The following TNK2 variants were observed in gnomAD, a reference collection of about 807,000 sequenced individuals.
The protein encoded by TNK2 is tyrosine kinase non receptor 2.
TNK2 carries 83 observed loss-of-function variants against 101.8 expected under a neutral mutation model. That is an observed-to-expected ratio of 0.82 (90% CI 0.68 to 0.98). TNK2 has a LOEUF of 0.98. TNK2 is among the 50% of genes least tolerant of loss of function. The pLI is 0.00. For synonymous variants in TNK2, 804 were observed against 633.0 expected (o/e 1.27, Z -4.06); for missense variants, 1,665 against 1,483.2 (o/e 1.12, Z -2.01).
chr3:195,902,250 G>A (rs889223105), intron 1 of TNK2, among the ~76,000 whole-genome samples: 11 of 152,152 alleles, frequency 7.2e-5, no homozygotes, highest in Admixed American at 2.6e-4. Context: ...TGGCAGCCCC[G>A]GAAACCTCTG....
Position 195,868,261 on chromosome 3 carries a change from G to A in TNK2, c.2037C>T (p.Ser679=). The A allele has an allele frequency of 6.2e-7, 1 of 1,604,444 alleles. No individual in the cohort carries two copies. The highest frequency in any genetic ancestry group is 1.1e-5 in the South Asian group (1 of 91,054). ...CAAAGGCGTAGTTGGTCTGGCCCTG[G>A]CTGGGCCCGGCAGGGACCCCCGCGC... ...LVGAGVPAGP[S]QGQTNYAFVP... is the part of the protein sequence containing the mutation. Residue 679 remains serine (S), a synonymous_variant, in exon 13 of 16, where the codon AGC becomes AGT. Transcript: ENST00000672887.
chr3:195,867,981 G>C lies in TNK2; in HGVS notation c.2317C>G (p.Pro773Ala). 2 of 1,551,434 alleles carry C rather than the reference G, an allele frequency of 1.3e-6. No individual in the cohort carries two copies. Among genetic ancestry groups the C allele is most frequent in the African/African-American group, 1.4e-5 (1 of 73,120 alleles). ...RPTRPHVQLS[P>A]APPGEEETSQ... ...GTCTCCTCCTCGCCCGGGGGGGCTG[G>C]AGACAGCTGGACGTGTGGGCGCGTG... Residue 773 changes from proline (P) to alanine (A), a missense_variant, in exon 13 of 16, where the codon CCA (proline) becomes GCA (alanine). Physicochemically the swap from Pro to Ala is conservative, Grantham distance 27. Coordinates refer to ENST00000672887, the MANE Select transcript of TNK2 (RefSeq NM_001382273.1).
chr3:195,872,421 C>T lies in TNK2; in HGVS notation c.1306G>A (p.Gly436Arg). 1 of 1,612,290 alleles carries T rather than the reference C, an allele frequency of 6.2e-7. No individual in the cohort carries two copies. The highest frequency in any genetic ancestry group is 1.3e-5 in the African/African-American group (1 of 75,046). Residue 436 changes from glycine (G) to arginine (R), a missense_variant, in exon 10 of 16, where the codon GGG becomes AGG. This residue lies in a region of TNK2 where 1,136 missense variants were observed against 894.9 expected (regional missense o/e 1.27). Transcript: ENST00000672887. ...RGQNTRTLCVGPFPRNVVTSV... is the reference protein window; with the variant it reads ...RGQNTRTLCVRPFPRNVVTSV... ...GTCACCACGTTGCGAGGGAAGGGCC[C>T]CACACACAGCGTCCGTGTGTTCTGG...
chr3:195,872,167 G>A, intron 10 of TNK2, 109 bp downstream of exon 10: 4 of 1,299,076 alleles, frequency 3.1e-6, no homozygotes, highest in Non-Finnish European at 3.2e-6. Flanking sequence ...GTCGGGGGCT[G>A]AAGCCCGGGC....
intron 11 of TNK2, 97 bp downstream of exon 11, chr3:195,870,016 CA>C: frequency 3.9e-6 from 4 of 1,022,268 alleles, no homozygotes; most frequent in South Asian, 3.7e-5. Context: ...CCACTGTCCC[CA>C]AAAACAGAAC....
chr3:195,869,051 G>A (rs1374130749), intron 12 of TNK2: 8 of 468,058 alleles, frequency 1.7e-5, no homozygotes, highest in Admixed American at 3.9e-5. Context: ...GAGTTAGTGA[G>A]CCCTCATCCC....
At chr3:195,872,227 G>A (rs1228837694) in intron 10 of TNK2, 49 bp downstream of exon 10, 54 of 1,603,618 alleles carry the variant, frequency 3.4e-5, no homozygotes, top group Non-Finnish European at 4.6e-5. Context: ...TGAGGGCCCT[G>A]GAGTCCCGAG....
Position 195,878,958 on chromosome 3 carries a change from T to C in TNK2, c.1014+91A>G. ...CGGGGCGTGGGAGGAGGGAGTCCAT[T>C]GGTGAGAGGCAGTTCCAGCAGGGCC... On this transcript the variant is annotated intron_variant, in intron 7 of 15. Coordinates refer to ENST00000672887, the MANE Select transcript of TNK2 (RefSeq NM_001382273.1). The surrounding 1 kb of genome is among the most constrained non-coding windows in gnomAD (Gnocchi z 4.7). The C allele has an allele frequency of 1.9e-6, 3 of 1,560,676 alleles. No homozygotes were observed. The highest frequency in any genetic ancestry group is 4.5e-5 in the East Asian group (2 of 44,340).
At position 195,870,190 on chromosome 3, in the gene TNK2, G is replaced by A; in HGVS notation, c.1467C>T (p.Asn489=). 1 of 1,569,468 alleles carries A rather than the reference G, an allele frequency of 6.4e-7. No homozygotes were observed. The highest frequency in any genetic ancestry group is 1.2e-5 in the South Asian group (1 of 85,516). ...PDRIDELYLG[N]PMDPPDLLSV... is the part of the protein sequence containing the mutation. ...TCAGGAGGTCGGGGGGGTCCATGGG[G>A]TTTCCCAGATACAGTCTGTGGGGGA... Residue 489 remains asparagine, a synonymous_variant, in exon 11 of 16, where the codon AAC becomes AAT. Coordinates refer to ENST00000672887, the MANE Select transcript of TNK2 (RefSeq NM_001382273.1).
Position 195,877,724 on chromosome 3 carries a change from G to A in TNK2, c.1256+529C>T, listed in dbSNP as rs113375305. On this transcript the variant is annotated intron_variant, in intron 9 of 15. Transcript: ENST00000672887. ...GACTCCCGAGAGGCTGTGGGAGGAG[G>A]GTTAGGTATAGAGAGGGTCCTCCCA... Among the ~76,000 whole-genome samples, 422 of 152,274 alleles carry A rather than the reference G, an allele frequency of 2.8e-3. 3 individuals carry two copies. The highest frequency in any genetic ancestry group is 7.5e-3 in the African/African-American group (313 of 41,540).
intron 1 of TNK2, among the ~76,000 whole-genome samples, chr3:195,900,978 A>G (rs977943579): frequency 7.2e-5 from 11 of 152,208 alleles, no homozygotes; most frequent in African/African-American, 2.7e-4. Flanking sequence ...GAAGGAGTGG[A>G]GAGGAGATGC....
rs572421420 is a variant in TNK2 at position 195,878,106 on chromosome 3, C to T, written c.1256+147G>A. On this transcript the variant is annotated intron_variant, in intron 9 of 15. Transcript: ENST00000672887. This position sits in a 1 kb window ranked among gnomAD's most constrained non-coding sequence, Gnocchi z 4.7. ...CTAGGAAGACGGAGGCAGGCCTGTC[C>T]TCCCCTCACACTGCAGGGTTCAGGC... 9.0e-5 allele frequency: 69 copies of T among 767,646 alleles called. 1 individual carries two copies. The African/African-American group carries it at 9.8e-4, about 11-fold the overall frequency. The allele number at this position is 767,646 out of a possible 1,614,324, so 47.6% of individuals were successfully genotyped here.
At chr3:195,865,881 C>T (rs1560463169) in intron 15 of TNK2, among the ~76,000 whole-genome samples, 2 of 152,178 alleles carry the variant, frequency 1.3e-5, no homozygotes, top group Admixed American at 6.5e-5. Flanking sequence ...GTCCCTTCCA[C>T]GGGGTGAGCA....
At chr3:195,865,193 G>A (rs1302634758) in intron 15 of TNK2, among the ~76,000 whole-genome samples, 9 of 110,072 alleles carry the variant, frequency 8.2e-5, no homozygotes, top group South Asian at 7.6e-4. Context: ...GTGACAGACA[G>A]GTGACAGCGA....
chr3:195,890,692 G>T (rs1055058288), intron 1 of TNK2, among the ~76,000 whole-genome samples: 1 of 152,096 alleles, frequency 6.6e-6, no homozygotes, highest in Non-Finnish European at 1.5e-5. Context: ...ACCTGCCCTG[G>T]CCTCCCAAAG....
At position 195,879,091 on chromosome 3, in the gene TNK2, G is replaced by A. The variant is rs1411542129; in HGVS notation, c.972C>T (p.Phe324=). The change falls in exon 7 of 16, where the codon TTC becomes TTT. Residue 324 remains phenylalanine, a synonymous_variant. Transcript: ENST00000672887. The part of the protein sequence containing the change: ...WMFGVTLWEM[F]TYGQEPWIGL... ...CGATCCAGGGCTCCTGGCCGTAGGT[G>A]AACATTTCCCACAGTGTCACCCCGA... The A allele has an allele frequency of 2.5e-6, 4 of 1,613,716 alleles. No individual in the cohort carries two copies. The highest frequency in any genetic ancestry group is 1.7e-5 in the Admixed American group (1 of 59,990).
intron 15 of TNK2, 52 bp from the exon 16 acceptor site, chr3:195,864,239 C>A: frequency 6.2e-7 from 1 of 1,612,076 alleles, no homozygotes; most frequent in Non-Finnish European, 8.5e-7. Flanking sequence ...GAAGGTTCAG[C>A]GGGGCAGGCA....
chr3:195,881,920 G>T, intron 6 of TNK2, 131 bp downstream of exon 6: 2 of 1,099,554 alleles, frequency 1.8e-6, no homozygotes, highest in Non-Finnish European at 1.3e-6. Context: ...GCAAAGGAGG[G>T]CACCCCAGGC....
intron 1 of TNK2, among the ~76,000 whole-genome samples, chr3:195,890,427 A>G (rs1381191722): frequency 6.6e-6 from 1 of 151,772 alleles, no homozygotes; most frequent in Non-Finnish European, 1.5e-5. Context: ...TTATATATAA[A>G]TAAGAAAGTA....
Sources: gnomAD v4.1 joint callset for allele counts (sites outside exome capture counted in the v4.1 genomes callset) on GRCh38, gnomAD v4.1.1 for gene constraint, gnomAD v4.1.1 regional missense constraint, Gnocchi (gnomAD v3.1) non-coding constraint, MANE v1.5 for transcripts, NCBI Gene and HGNC (gene_info 2026-07-23, HGNC 2026-07-21) for gene names.